The following TMTC2 variants were observed in gnomAD, a reference collection of about 807,000 sequenced individuals.
TMTC2 encodes the protein transmembrane O-mannosyltransferase targeting cadherins 2.
Under a neutral mutation model 82.4 loss-of-function variants are expected in TMTC2, and 43 were observed. The ratio of observed to expected loss-of-function variants is 0.52; its 90% CI spans 0.41 to 0.67. The LOEUF (loss-of-function observed/expected upper bound fraction) is 0.67. Ranked by LOEUF, TMTC2 falls within the 30% of genes least tolerant of loss-of-function variation. The pLI is 0.00. For synonymous variants in TMTC2, 408 were observed against 381.9 expected (o/e 1.07, Z -0.80); for missense variants, 919 against 1,012.4 (o/e 0.91, Z 1.25).
intron 4 of TMTC2, among the ~76,000 whole-genome samples, chr12:82,937,728 G>GTGT (rs1565818033): frequency 8.6e-6 from 1 of 116,638 alleles, no homozygotes; most frequent in East Asian, 2.2e-4. Flanking sequence ...GTGTGTGTGT[G>GTGT]GATGTGTGTG....
chr12:83,126,677 T>TG (rs548488633), intron 11 of TMTC2, among the ~76,000 whole-genome samples: 64 of 151,874 alleles, frequency 4.2e-4, no homozygotes, highest in African/African-American at 1.1e-3. Context: ...TGTATATGGG[T>TG]GGGGGGGCAA....
At chr12:82,786,753 TTTTAACA>T (rs1878196571) in intron 1 of TMTC2, among the ~76,000 whole-genome samples, 1 of 152,150 alleles carries the variant, frequency 6.6e-6, no homozygotes, top group South Asian at 2.1e-4. Context: ...TCCTTAGAGC[TTTTAACA>T]AGAGATTTTC....
rs567327772 is a variant in TMTC2 at position 82,846,968 on chromosome 12, A to G, written c.84-10042A>G. ...GTGCCTTCCTTTACCCTAGGGACCT[A>G]GAAACCTAACACTGCCCCTAACAAC... On this transcript the variant is annotated intron_variant, in intron 1 of 11. Transcript: ENST00000321196. 2.6e-5 allele frequency among the ~76,000 whole-genome samples: 4 copies of G among 152,226 alleles called. No individual in the cohort carries two copies. In the East Asian group the frequency reaches 7.7e-4, roughly 29 times the overall value.
At chr12:82,867,739 C>A (rs1290297059) in intron 2 of TMTC2, among the ~76,000 whole-genome samples, 1 of 152,050 alleles carries the variant, frequency 6.6e-6, no homozygotes, top group Non-Finnish European at 1.5e-5. Flanking sequence ...ACATGAAAAC[C>A]TTATTTCTCC....
At chr12:83,047,688 A>G (rs1882193489) in intron 9 of TMTC2, among the ~76,000 whole-genome samples, 1 of 152,190 alleles carries the variant, frequency 6.6e-6, no homozygotes. Flanking sequence ...TAAAATGATC[A>G]TATCGGAATT....
chr12:83,003,147 T>C (rs1880003076), intron 8 of TMTC2, among the ~76,000 whole-genome samples: 1 of 152,188 alleles, frequency 6.6e-6, no homozygotes, highest in Admixed American at 6.5e-5. Context: ...TTTTGTTGAA[T>C]TGAAACTTTC....
At chr12:82,976,678 G>T (rs2137321654) in intron 7 of TMTC2, among the ~76,000 whole-genome samples, 1 of 152,102 alleles carries the variant, frequency 6.6e-6, no homozygotes, top group East Asian at 1.9e-4. Context: ...CAAAAATATT[G>T]GGATGGAGAT....
At chr12:82,992,192 G>T (rs1879431372) in intron 8 of TMTC2, among the ~76,000 whole-genome samples, 1 of 152,188 alleles carries the variant, frequency 6.6e-6, no homozygotes, top group African/African-American at 2.4e-5. Context: ...TGGTGTCAGT[G>T]TAGTTTATCT....
At chr12:82,928,317 G>C (rs910596499) in intron 3 of TMTC2, among the ~76,000 whole-genome samples, 3 of 152,000 alleles carry the variant, frequency 2.0e-5, no homozygotes, top group Admixed American at 6.6e-5. Context: ...GCAGAACTTT[G>C]GGAGGAATAG....
intron 1 of TMTC2, among the ~76,000 whole-genome samples, chr12:82,821,888 C>CAAAA (rs59861216): frequency 2.9e-5 from 2 of 69,398 alleles, no homozygotes; most frequent in Non-Finnish European, 6.5e-5. Flanking sequence ...GACTCCGTCT[C>CAAAA]AAAAAAAAAA....
chr12:82,731,250 C>T (rs1410002537), intron 1 of TMTC2, among the ~76,000 whole-genome samples: 2 of 152,214 alleles, frequency 1.3e-5, no homozygotes, highest in South Asian at 4.1e-4. Context: ...GGTTGTGTTG[C>T]GTAACCTAAC....
chr12:82,997,816 A>T (rs1048873126), intron 8 of TMTC2, among the ~76,000 whole-genome samples: 33 of 152,082 alleles, frequency 2.2e-4, no homozygotes, highest in African/African-American at 8.0e-4. Context: ...GTGAGGAAAG[A>T]TACATACTAT....
rs1565791739 is a variant in TMTC2, at chr12:82,882,811, A to G, written c.655-13007A>G. ...GTGGCAATCCCAAAGTAATCCCAGC[A>G]CTTTGGGAGGCCGAGGCAGGCAGAT... On this transcript the variant is annotated intron_variant, in intron 2 of 11. Coordinates refer to ENST00000321196, the MANE Select transcript of TMTC2 (RefSeq NM_152588.3). 2.0e-5 allele frequency among the ~76,000 whole-genome samples: 3 copies of G among 152,216 alleles called. No individual in the cohort carries two copies. The East Asian group carries it at 5.8e-4, about 29-fold the overall frequency.
chr12:82,711,379 C>T (rs925817828), intron 1 of TMTC2, among the ~76,000 whole-genome samples: 6 of 151,296 alleles, frequency 4.0e-5, no homozygotes, highest in African/African-American at 1.5e-4. Context: ...TTATATAAGT[C>T]CAAAAATATG....
chr12:82,904,803 C>G (rs1355540986), intron 3 of TMTC2, among the ~76,000 whole-genome samples: 1 of 152,040 alleles, frequency 6.6e-6, no homozygotes, highest in Non-Finnish European at 1.5e-5. Context: ...TTGCTGTGGC[C>G]TCCTCTAAAT....
At chr12:82,877,564 T>A (rs1428986168) in intron 2 of TMTC2, among the ~76,000 whole-genome samples, 1 of 152,130 alleles carries the variant, frequency 6.6e-6, no homozygotes. Context: ...CAAAATCTAG[T>A]CTTCCTGTCT....
intron 1 of TMTC2, among the ~76,000 whole-genome samples, chr12:82,846,635 G>T (rs1207612677): frequency 6.6e-6 from 1 of 152,038 alleles, no homozygotes; most frequent in Non-Finnish European, 1.5e-5. Context: ...GATGGAAGCG[G>T]GATCCACTAA....
At chr12:82,762,119 A>G (rs1386825531) in intron 1 of TMTC2, among the ~76,000 whole-genome samples, 1 of 151,826 alleles carries the variant, frequency 6.6e-6, no homozygotes, top group Admixed American at 6.6e-5. Flanking sequence ...GGCACATGCC[A>G]CCAAGCAAGG....
At chr12:82,798,807 CAAA>C (rs544522111) in intron 1 of TMTC2, among the ~76,000 whole-genome samples, 5 of 88,360 alleles carry the variant, frequency 5.7e-5, no homozygotes, top group African/African-American at 4.4e-5. Flanking sequence ...AACTCCGTCT[CAAA>C]AAAAAAAAAA....
Sources: gnomAD v4.1 joint callset for allele counts (sites outside exome capture counted in the v4.1 genomes callset) on GRCh38, gnomAD v4.1.1 for gene constraint, MANE v1.5 for transcripts, NCBI Gene and HGNC (gene_info 2026-07-23, HGNC 2026-07-21) for gene names.